Variants in CTC1 observed in about 807,000 individuals in gnomAD.
The protein encoded by CTC1 is CST telomere replication complex component 1, also known as CST complex subunit CTC1.
Under a neutral mutation model 136.3 loss-of-function variants are expected in CTC1, and 91 were observed. That is an observed-to-expected ratio of 0.67 (90% CI 0.56 to 0.79). The LOEUF is 0.79. Ranked by LOEUF, CTC1 falls within the 30% of genes least tolerant of loss-of-function variation. The pLI is 0.00. For synonymous variants in CTC1, 606 were observed against 613.8 expected (o/e 0.99, Z 0.19); for missense variants, 1,432 against 1,498.1 (o/e 0.96, Z 0.73).
rs1986740010 is a variant in CTC1, at chr17:8,226,851, G to A, written c.*1329C>T. On this transcript the variant is annotated 3_prime_UTR_variant, in exon 23 of 23. Coordinates refer to ENST00000651323, the MANE Select transcript of CTC1 (RefSeq NM_025099.6). ...AGAGACTCCTCCCTCCAAGCCTTCG[G>A]GAGCGCTAGTGATTCAGGGAATAGG... The A allele has an allele frequency of 6.6e-6, 1 of 151,814 alleles. No homozygotes were observed. Among genetic ancestry groups the A allele is most frequent in the Admixed American group, 6.6e-5 (1 of 15,256 alleles). The allele number at this position is 151,814 out of a possible 1,614,324, so 9.4% of individuals were successfully genotyped here.
At chr17:8,239,169 CA>C (rs952171168) in intron 2 of CTC1, among the ~76,000 whole-genome samples, 3 of 148,364 alleles carry the variant, frequency 2.0e-5, no homozygotes, top group Non-Finnish European at 4.5e-5. Flanking sequence ...GTATCTTCAA[CA>C]AGATGGTGCC....
rs1264204915 is a variant in CTC1, at chr17:8,226,419, T to C, written c.*1761A>G. 1.3e-5 allele frequency: 2 copies of C among 152,196 alleles called. No individual in the cohort carries two copies. The highest frequency in any genetic ancestry group is 2.9e-5 in the Non-Finnish European group (2 of 68,040). 9.4% of individuals were successfully genotyped at this position (152,196 alleles called of 1,614,324 possible). A position where few individuals can be genotyped will look rare whatever the true frequency, so the allele number is the denominator to read the frequency against. On this transcript the variant is annotated 3_prime_UTR_variant, in exon 23 of 23. Coordinates refer to ENST00000651323, the MANE Select transcript of CTC1 (RefSeq NM_025099.6). Reference sequence around the variant, plus strand: ...CTAATTTGGTAACTCAACTGGCTCTTGCATCACTTGTCCATTCCTCGGATT... The same window carrying C: ...CTAATTTGGTAACTCAACTGGCTCTCGCATCACTTGTCCATTCCTCGGATT...
In CTC1 at chr17:8,228,320, C is replaced by T; in HGVS notation, c.3515-1G>A. 2.5e-6 allele frequency: 4 copies of T among 1,613,824 alleles called. No individual in the cohort carries two copies. The highest frequency in any genetic ancestry group is 2.2e-5 in the South Asian group (2 of 91,076). On this transcript the variant is annotated splice_acceptor_variant, in intron 22 of 22. Transcript: ENST00000651323. LOFTEE classifies it high-confidence loss of function. ...TGGAATCGCTGTAGCCGAGGAGGTT[C>T]TGAGGTGGGAAGAGAGGAAAAACAC...
intron 2 of CTC1, among the ~76,000 whole-genome samples, chr17:8,242,505 A>C (rs1988311518): frequency 6.9e-6 from 1 of 143,898 alleles, no homozygotes. Context: ...CGTTGCCTAG[A>C]ACACTTTTGG....
At position 8,228,972 on chromosome 17, in the gene CTC1, C is replaced by T. The variant is rs745459206; in HGVS notation, c.3222-80G>A. The T allele has an allele frequency of 5.2e-5, 79 of 1,514,982 alleles. 1 individual carries two copies. The highest frequency in any genetic ancestry group is 1.8e-4 in the African/African-American group (13 of 71,782). 93.8% of individuals were successfully genotyped at this position (1,514,982 alleles called of 1,614,324 possible). A position where few individuals can be genotyped will look rare whatever the true frequency, so the allele number is the denominator to read the frequency against. On this transcript the variant is annotated intron_variant, in intron 20 of 22. Transcript: ENST00000651323. Reference sequence around the variant, plus strand: ...CCTGGACCCAACATGCCTCCCTCCCCGCTGTCTGCAGTCTTTGGCTCACAG... The same window carrying T: ...CCTGGACCCAACATGCCTCCCTCCCTGCTGTCTGCAGTCTTTGGCTCACAG...
chr17:8,229,866 T>G, intron 18 of CTC1, 25 bp downstream of exon 18: 1 of 1,602,270 alleles, frequency 6.2e-7, no homozygotes, highest in Non-Finnish European at 8.6e-7. Flanking sequence ...CCAGGAAGTT[T>G]AGGGGTTGGG....
rs1987379846 is a variant in CTC1 at position 8,233,050 on chromosome 17, T to C, written c.1819-18A>G. Reference sequence around the variant, plus strand: ...AGTAAAACCTGCAAGAAGATGAAGGTTGAGTTATCAAATGTTTATTCAGCA... The same window carrying C: ...AGTAAAACCTGCAAGAAGATGAAGGCTGAGTTATCAAATGTTTATTCAGCA... On this transcript the variant is annotated intron_variant, in intron 10 of 22. Transcript: ENST00000651323. The C allele has an allele frequency of 2.5e-6, 4 of 1,613,224 alleles. No homozygotes were observed. The highest frequency in any genetic ancestry group is 1.6e-4 in the Middle Eastern group (1 of 6,062).
intron 2 of CTC1, 76 bp from the exon 3 acceptor site, chr17:8,238,705 C>A: frequency 9.5e-7 from 1 of 1,050,380 alleles, no homozygotes; most frequent in Non-Finnish European, 1.4e-6. Context: ...CCTGATAAAC[C>A]CTCAAGAGCC....
rs1217122813 is a variant in CTC1 at position 8,224,978 on chromosome 17, C to CT, written c.*3201_*3202insA. On this transcript the variant is annotated 3_prime_UTR_variant, in exon 23 of 23. Transcript: ENST00000651323. ...TCAGCCTCCCAAGTAGCTAGGACTG[C>CT]AGGCGCCTGCCACCACGCCTGGCTA... is the stretch of plus-strand genomic sequence containing the variant. The CT allele has an allele frequency of 6.6e-6, 1 of 152,184 alleles. No homozygotes were observed. Among genetic ancestry groups the CT allele is most frequent in the African/African-American group, 2.4e-5 (1 of 41,420 alleles). 9.4% of individuals were successfully genotyped at this position (152,184 alleles called of 1,614,324 possible). A position where few individuals can be genotyped will look rare whatever the true frequency, so the allele number is the denominator to read the frequency against.
Position 8,229,309 on chromosome 17 carries a change from CAGATGCTGGT to C in CTC1, c.3139_3148del (p.Thr1047AlafsTer19). 1 of 1,614,194 alleles carries C rather than the reference CAGATGCTGGT, an allele frequency of 6.2e-7. No homozygotes were observed. The highest frequency in any genetic ancestry group is 8.5e-7 in the Non-Finnish European group (1 of 1,180,042). ...GTTCCTTCCCTCCCTTACCTGCCGG[CAGATGCTGGT>C]ACAATAAGCACACACCCAGAAGAGC... On this transcript the variant is annotated frameshift_variant, in exon 19 of 23. Transcript: ENST00000651323. LOFTEE classifies it high-confidence loss of function.
At position 8,226,277 on chromosome 17, in the gene CTC1, A is replaced by G. The variant is rs756772692; in HGVS notation, c.*1903T>C. 2 of 152,324 alleles carry G rather than the reference A, an allele frequency of 1.3e-5. No homozygotes were observed. The highest frequency in any genetic ancestry group is 2.4e-5 in the African/African-American group (1 of 41,452). The allele number at this position is 152,324 out of a possible 1,614,324, so 9.4% of individuals were successfully genotyped here. ...GAACCCAGGATCTCCTGTTTACTAG[A>G]CAGGCGCTTTAACCAACTAAGCCAC... is the stretch of plus-strand genomic sequence containing the variant. On this transcript the variant is annotated 3_prime_UTR_variant, in exon 23 of 23. Coordinates refer to ENST00000651323, the MANE Select transcript of CTC1 (RefSeq NM_025099.6).
chr17:8,235,945 G>A lies in CTC1; in HGVS notation c.1092C>T (p.Gly364=), dbSNP rs761668228. Reference sequence around the variant, plus strand: ...AGAGGCCAGCGGGCTCATTCAACACGCCAGTGACTGCTCCCTGCAAACAGG... The same window carrying A: ...AGAGGCCAGCGGGCTCATTCAACACACCAGTGACTGCTCCCTGCAAACAGG... The part of the protein sequence containing the change: ...RLLSYSGAVT[G]VLNEPAGLYE... The change falls in exon 7 of 23, where the codon GGC becomes GGT. Residue 364 remains glycine, a synonymous_variant. Transcript: ENST00000651323. The A allele has an allele frequency of 1.4e-5, 22 of 1,608,294 alleles. 1 individual carries two copies. The highest frequency in any genetic ancestry group is 1.6e-4 in the Middle Eastern group (1 of 6,064).
In CTC1 at chr17:8,229,543, T is replaced by A. The variant is rs555972089; in HGVS notation, c.3012-97A>T. The A allele has an allele frequency of 9.5e-5, 101 of 1,059,802 alleles. No individual in the cohort carries two copies. In the East Asian group the frequency reaches 2.4e-3, roughly 25 times the overall value. 65.6% of individuals were successfully genotyped at this position (1,059,802 alleles called of 1,614,324 possible). A position where few individuals can be genotyped will look rare whatever the true frequency, so the allele number is the denominator to read the frequency against. ...TGGGTCTAGAAGGACTTAGAGGGCA[T>A]CAGGATGGGGACAGCAGTGGGTTCC... On this transcript the variant is annotated intron_variant, in intron 18 of 22. Transcript: ENST00000651323.
At chr17:8,230,726 G>C (rs1050481705) in intron 15 of CTC1, 75 bp from the exon 16 acceptor site, 5 of 1,282,116 alleles carry the variant, frequency 3.9e-6, no homozygotes. Flanking sequence ...ATTCAAGGCA[G>C]AAAATGGAGC....
At position 8,241,457 on chromosome 17, in the gene CTC1, A is replaced by G. The variant is rs546591868; in HGVS notation, c.197+1528T>C. On this transcript the variant is annotated intron_variant, in intron 2 of 22. Transcript: ENST00000651323. ...CAATGGTGAAACCCCATCTCTACTA[A>G]AAAATACAAAAATTAGCTGGTGTGG... Among the ~76,000 whole-genome samples, 4 of 151,806 alleles carry G rather than the reference A, an allele frequency of 2.6e-5. No homozygotes were observed. The East Asian group carries it at 7.7e-4, about 29-fold the overall frequency.
rs772479474 is a variant in CTC1 at position 8,232,906 on chromosome 17, C to A, written c.1945G>T (p.Gly649Cys). 1.2e-6 allele frequency: 2 copies of A among 1,613,958 alleles called. No homozygotes were observed. Among genetic ancestry groups the A allele is most frequent in the Non-Finnish European group, 1.7e-6 (2 of 1,179,906 alleles). The change falls in exon 11 of 23, where the codon GGC (glycine) becomes TGC (cysteine). Residue 649 changes from glycine (G) to cysteine (C), a missense_variant and splice_region_variant. By Grantham distance (159) the Gly-to-Cys change is radical. Transcript: ENST00000651323. ...SQPLSDPRLI[G>C]CLVRAERFQL... Reference sequence around the variant, plus strand: ...TTCTTTCCACATCTGAACTCCAAACCTATCAGCCGTGGGTCACTGAGGGGT... The same window carrying A: ...TTCTTTCCACATCTGAACTCCAAACATATCAGCCGTGGGTCACTGAGGGGT...
At chr17:8,244,108 T>C (rs1243837292) in intron 1 of CTC1, among the ~76,000 whole-genome samples, 4 of 152,188 alleles carry the variant, frequency 2.6e-5, no homozygotes, top group Non-Finnish European at 4.4e-5. Flanking sequence ...CATAGTGCCA[T>C]ACTATGTATA....
At chr17:8,229,524 TAGA>T in intron 18 of CTC1, 78 bp from the exon 19 acceptor site, 1 of 1,302,524 alleles carries the variant, frequency 7.7e-7, no homozygotes, top group Non-Finnish European at 1.1e-6. Flanking sequence ...AGGGTGGGTC[TAGA>T]AGGACTTAGA....
intron 1 of CTC1, among the ~76,000 whole-genome samples, chr17:8,245,572 G>A (rs1988607364): frequency 6.6e-6 from 1 of 152,090 alleles, no homozygotes; most frequent in Admixed American, 6.6e-5. Flanking sequence ...CTCTCAAAGT[G>A]ATCCCATGGC....
Sources: gnomAD v4.1 joint callset for allele counts (sites outside exome capture counted in the v4.1 genomes callset) on GRCh38, gnomAD v4.1.1 for gene constraint, MANE v1.5 for transcripts, NCBI Gene and HGNC (gene_info 2026-07-23, HGNC 2026-07-21) for gene names.